The following ATP2B4 variants were observed in gnomAD, a reference collection of about 807,000 sequenced individuals.
ATP2B4 encodes the protein ATPase plasma membrane Ca2+ transporting 4, also known as plasma membrane calcium-transporting ATPase 4.
Under a neutral mutation model 110.3 loss-of-function variants are expected in ATP2B4, and 39 were observed. That is an observed-to-expected ratio of 0.35 (90% CI 0.27 to 0.46). ATP2B4 has a LOEUF of 0.46. Among genes scored for constraint, ATP2B4 ranks in the 20% least tolerant of loss-of-function variants. The pLI, the probability that ATP2B4 is intolerant of heterozygous loss-of-function variation, is 1.00. For missense variants in ATP2B4, 1,135 were observed against 1,530.9 expected (o/e 0.74, Z 4.32); for synonymous variants, 538 against 571.7 (o/e 0.94, Z 0.84).
In ATP2B4 at chr1:203,740,306, C is replaced by T. The variant is rs548733743; in HGVS notation, c.*452C>T. The T allele has an allele frequency of 2.2e-4, 36 of 161,638 alleles. No individual in the cohort carries two copies. In the East Asian group the frequency reaches 5.3e-3, roughly 24 times the overall value. The allele number at this position is 161,638 out of a possible 1,614,324, so 10.0% of individuals were successfully genotyped here. On this transcript the variant is annotated 3_prime_UTR_variant, in exon 21 of 21. Coordinates refer to ENST00000357681, the MANE Select transcript of ATP2B4 (RefSeq NM_001684.5). ...CGGTAGAGATGGAATGTATAAAATC[C>T]GCCAGTAGTGTGATTGTTTTTCAAT...
chr1:203,661,061 G>A (rs1477592754), intron 1 of ATP2B4, among the ~76,000 whole-genome samples: 1 of 151,826 alleles, frequency 6.6e-6, no homozygotes, highest in Admixed American at 6.6e-5. Context: ...AGTGAGCTGA[G>A]ATCGCGCCAC....
At chr1:203,660,329 T>C (rs1479104652) in intron 1 of ATP2B4, among the ~76,000 whole-genome samples, 1 of 152,122 alleles carries the variant, frequency 6.6e-6, no homozygotes, top group East Asian at 1.9e-4. Context: ...CCTTCAGTTG[T>C]TGAAAGAGGA....
chr1:203,655,382 A>C (rs1437161251), intron 1 of ATP2B4, among the ~76,000 whole-genome samples: 1 of 152,160 alleles, frequency 6.6e-6, no homozygotes, highest in Non-Finnish European at 1.5e-5. Flanking sequence ...ACGGTGGCTC[A>C]CGTCTGTAAT....
intron 20 of ATP2B4, chr1:203,728,116 T>C (rs1205916565): frequency 9.2e-6 from 4 of 435,616 alleles, no homozygotes; most frequent in South Asian, 1.7e-5. Flanking sequence ...GATGGTTTCA[T>C]GTGTAAAAAT....
intron 1 of ATP2B4, among the ~76,000 whole-genome samples, chr1:203,637,517 T>G (rs1055614069): frequency 6.6e-6 from 1 of 152,016 alleles, no homozygotes; most frequent in Non-Finnish European, 1.5e-5. Flanking sequence ...AACAATATTA[T>G]TCGACACTGG....
At chr1:203,727,852 A>C in intron 20 of ATP2B4, 1 of 415,488 alleles carries the variant, frequency 2.4e-6, no homozygotes, top group Non-Finnish European at 4.4e-6. Context: ...CCTCTATCAA[A>C]TGGGCAAGCT....
Position 203,721,331 on chromosome 1 carries a change from G to A in ATP2B4, c.2733G>A (p.Leu911=). ...GCCCCTATGGCCGAAATAAGCCTCT[G>A]ATCTCACGCACTATGATGAAGAACA... is the stretch of plus-strand genomic sequence containing the variant. The part of the protein sequence containing the change: ...KRRPYGRNKP[L]ISRTMMKNIL... The change falls in exon 17 of 21, where the codon CTG becomes CTA. Residue 911 remains leucine, a synonymous_variant. Transcript: ENST00000357681. 1 of 1,614,178 alleles carries A rather than the reference G, an allele frequency of 6.2e-7. No homozygotes were observed. Among genetic ancestry groups the A allele is most frequent in the Admixed American group, 1.7e-5 (1 of 60,030 alleles).
At position 203,720,619 on chromosome 1, in the gene ATP2B4, T is replaced by G; in HGVS notation, c.2477T>G (p.Ile826Ser). 1 of 1,614,026 alleles carries G rather than the reference T, an allele frequency of 6.2e-7. No individual in the cohort carries two copies. The highest frequency in any genetic ancestry group is 8.5e-7 in the Non-Finnish European group (1 of 1,179,920). Residue 826 changes from isoleucine to serine, a missense_variant, in exon 16 of 21, where the codon ATT becomes AGT. By Grantham distance (142) the Ile-to-Ser change is moderately radical. Coordinates refer to ENST00000357681, the MANE Select transcript of ATP2B4 (RefSeq NM_001684.5). ...CTAACAGATGACAACTTCACCAGCA[T>G]TGTGAAGGCAGTGATGTGGGGACGA... ...IILTDDNFTS[I>S]VKAVMWGRNV...
intron 2 of ATP2B4, among the ~76,000 whole-genome samples, chr1:203,690,519 G>A (rs572401077): frequency 2.8e-4 from 42 of 152,322 alleles, no homozygotes; most frequent in African/African-American, 9.4e-4. Context: ...AGGACTAGGT[G>A]AGTGAAGATG....
At chr1:203,628,644 C>T (rs879342743) in intron 1 of ATP2B4, among the ~76,000 whole-genome samples, 11 of 152,098 alleles carry the variant, frequency 7.2e-5, no homozygotes, top group Non-Finnish European at 1.2e-4. Context: ...TCCTTAAGCC[C>T]CTCCCCAAGC....
At chr1:203,696,152 C>T (rs1262750109) in intron 2 of ATP2B4, among the ~76,000 whole-genome samples, 1 of 152,146 alleles carries the variant, frequency 6.6e-6, no homozygotes, top group African/African-American at 2.4e-5. Context: ...GTTTCAAACT[C>T]CTGACCTCAA....
chr1:203,715,036 T>A (rs1017196738), intron 15 of ATP2B4, among the ~76,000 whole-genome samples: 1 of 152,194 alleles, frequency 6.6e-6, no homozygotes, highest in East Asian at 1.9e-4. Context: ...CTTGTTTCAG[T>A]GATTCCCCCC....
rs950103911 is a variant in ATP2B4, at chr1:203,721,911, T to A, written c.2812+501T>A. Among the ~76,000 whole-genome samples the A allele has an allele frequency of 1.6e-3, 245 of 152,108 alleles. 3 individuals carry two copies. Among genetic ancestry groups the A allele is most frequent in the Non-Finnish European group, 1.8e-4 (12 of 68,018 alleles). On this transcript the variant is annotated intron_variant, in intron 17 of 20. Coordinates refer to ENST00000357681, the MANE Select transcript of ATP2B4 (RefSeq NM_001684.5). The stretch of plus-strand genomic sequence containing the variant: ...CTCCTGACCTTGTGATCTGCCCACC[T>A]CAGCCCCCCAGAGTGCTGGGATTAC...
At chr1:203,673,560 A>G (rs975530232) in intron 1 of ATP2B4, among the ~76,000 whole-genome samples, 1 of 152,226 alleles carries the variant, frequency 6.6e-6, no homozygotes, top group Non-Finnish European at 1.5e-5. Flanking sequence ...ATAAGCCCAG[A>G]GAAGGCTGGA....
At chr1:203,720,512 C>G in intron 15 of ATP2B4, 37 bp from the exon 16 acceptor site, 1 of 1,563,464 alleles carries the variant, frequency 6.4e-7, no homozygotes, top group East Asian at 2.3e-5. Flanking sequence ...TGGGCTTTAT[C>G]CACTCCCTCA....
chr1:203,639,193 T>C (rs1663553534), intron 1 of ATP2B4, among the ~76,000 whole-genome samples: 1 of 152,222 alleles, frequency 6.6e-6, no homozygotes, highest in Non-Finnish European at 1.5e-5. Context: ...TGAGCTCTGA[T>C]TTGGGATCTA....
Position 203,709,306 on chromosome 1 carries a change from A to G in ATP2B4, c.1563A>G (p.Pro521=), listed in dbSNP as rs529330826. 5 of 1,614,220 alleles carry G rather than the reference A, an allele frequency of 3.1e-6. No homozygotes were observed. The South Asian group carries it at 5.5e-5, about 18-fold the overall frequency. ...NSAYTSKILP[P]EKEGGLPRQV... ...GTGTATATTTCTTCTCCCAGCCTCC[A>G]GAGAAGGAGGGAGGCCTGCCTCGGC... Residue 521 remains proline (P), a synonymous_variant, in exon 11 of 21, where the codon CCA becomes CCG. Coordinates refer to ENST00000357681, the MANE Select transcript of ATP2B4 (RefSeq NM_001684.5).
chr1:203,631,269 C>T, intron 1 of ATP2B4, among the ~76,000 whole-genome samples: 1 of 152,254 alleles, frequency 6.6e-6, no homozygotes, highest in Non-Finnish European at 1.5e-5. Context: ...TACCTTTCCT[C>T]ACCCCAGTTC....
At chr1:203,650,622 A>G (rs1663955451) in intron 1 of ATP2B4, among the ~76,000 whole-genome samples, 1 of 152,160 alleles carries the variant, frequency 6.6e-6, no homozygotes, top group African/African-American at 2.4e-5. Flanking sequence ...GGGGAGCTGC[A>G]GGTCCGAACT....
Sources: gnomAD v4.1 joint callset for allele counts (sites outside exome capture counted in the v4.1 genomes callset) on GRCh38, gnomAD v4.1.1 for gene constraint, MANE v1.5 for transcripts, NCBI Gene and HGNC (gene_info 2026-07-23, HGNC 2026-07-21) for gene names.